Variants in EGFR observed in about 807,000 individuals in gnomAD.
The protein encoded by EGFR is epidermal growth factor receptor.
A neutral mutation model predicts 143.0 loss-of-function variants in EGFR; 58 were observed. That is an observed-to-expected ratio of 0.41 (90% CI 0.33 to 0.50). The LOEUF (loss-of-function observed/expected upper bound fraction) is 0.50, where lower values mean the gene tolerates loss of function less well. Among genes scored for constraint, EGFR ranks in the 20% least tolerant of loss-of-function variants. The pLI is 0.39. For synonymous variants in EGFR, 613 were observed against 594.4 expected (o/e 1.03, Z -0.45); for missense variants, 1,307 against 1,579.0 (o/e 0.83, Z 2.92).
chr7:55,068,044 G>A (rs886722513), intron 1 of EGFR, among the ~76,000 whole-genome samples: 1 of 149,772 alleles, frequency 6.7e-6, no homozygotes, highest in Non-Finnish European at 1.5e-5. Context: ...ATATGTGTAT[G>A]TGTGTACATG....
intron 1 of EGFR, among the ~76,000 whole-genome samples, chr7:55,089,966 ATTTATTTAT>A (rs1562704661): frequency 4.6e-5 from 7 of 150,722 alleles, no homozygotes; most frequent in Non-Finnish European, 1.0e-4. Flanking sequence ...TTATTTATTT[ATTTATTTAT>A]TTATTTATTT....
chr7:55,148,892 T>A (rs192574956), intron 4 of EGFR, among the ~76,000 whole-genome samples: 2 of 152,158 alleles, frequency 1.3e-5, no homozygotes, highest in African/African-American at 4.8e-5. Flanking sequence ...GATTTAAGTG[T>A]TTTATGGACA....
At chr7:55,022,643 TC>T (rs2128856659) in intron 1 of EGFR, among the ~76,000 whole-genome samples, 1 of 152,332 alleles carries the variant, frequency 6.6e-6, no homozygotes, top group South Asian at 2.1e-4. Flanking sequence ...TGCTCTTGCT[TC>T]CAGATTGCTT....
chr7:55,060,497 G>A (rs1789103223), intron 1 of EGFR, among the ~76,000 whole-genome samples: 1 of 152,134 alleles, frequency 6.6e-6, no homozygotes, highest in African/African-American at 2.4e-5. Context: ...AACATCTTAA[G>A]TTGATTTTTT....
chr7:55,054,178 G>C (rs140798540), intron 1 of EGFR, among the ~76,000 whole-genome samples: 2 of 152,130 alleles, frequency 1.3e-5, no homozygotes, highest in South Asian at 4.1e-4. Flanking sequence ...AGGTATAAAG[G>C]CTCCTGCTTA....
intron 22 of EGFR, among the ~76,000 whole-genome samples, chr7:55,194,422 T>G (rs1787533587): frequency 6.6e-6 from 1 of 151,998 alleles, no homozygotes; most frequent in Admixed American, 6.5e-5. Context: ...GAGACAGGGT[T>G]TCACTATGTT....
At chr7:55,150,829 T>C (rs1035342820) in intron 4 of EGFR, among the ~76,000 whole-genome samples, 2 of 152,222 alleles carry the variant, frequency 1.3e-5, no homozygotes, top group African/African-American at 4.8e-5. Flanking sequence ...GTTTGGAGTC[T>C]AGAAGGTTTT....
At chr7:55,023,045 G>A (rs546609833) in intron 1 of EGFR, among the ~76,000 whole-genome samples, 1 of 152,290 alleles carries the variant, frequency 6.6e-6, no homozygotes, top group Admixed American at 6.5e-5. Flanking sequence ...AATATTAAAG[G>A]CAATTGATGA....
At chr7:55,166,780 T>C (rs1220503781) in intron 15 of EGFR, among the ~76,000 whole-genome samples, 1 of 133,376 alleles carries the variant, frequency 7.5e-6, no homozygotes, top group Non-Finnish European at 1.5e-5. Context: ...AGAGTCACAA[T>C]GTTGGTGGTG....
chr7:55,073,070 T>G (rs149975374), intron 1 of EGFR, among the ~76,000 whole-genome samples: 1 of 152,254 alleles, frequency 6.6e-6, no homozygotes, highest in Non-Finnish European at 1.5e-5. Context: ...CTGACTACTT[T>G]GTCGTTTCTC....
chr7:55,168,370 G>A lies in EGFR; in HGVS notation c.1881-2805G>A, dbSNP rs921943136. ...AGTGAGCATATGTTGCTGGGCTTAG[G>A]GGAGGTCCAGAAAGTGATTGGGTTT... On this transcript the variant is annotated intron_variant, in intron 15 of 27. Coordinates refer to ENST00000275493, the MANE Select transcript of EGFR (RefSeq NM_005228.5). Among the ~76,000 whole-genome samples, 66 of 152,248 alleles carry A rather than the reference G, an allele frequency of 4.3e-4. 1 individual carries two copies. Among genetic ancestry groups the A allele is most frequent in the African/African-American group, 1.5e-3 (62 of 41,538 alleles).
At chr7:55,031,043 G>A (rs778838903) in intron 1 of EGFR, among the ~76,000 whole-genome samples, 53 of 152,274 alleles carry the variant, frequency 3.5e-4, no homozygotes, top group South Asian at 1.5e-3. Flanking sequence ...CTAACATAGT[G>A]GAAACTTTTC....
chr7:55,140,392 G>A (rs925960786), intron 1 of EGFR, among the ~76,000 whole-genome samples: 6 of 152,156 alleles, frequency 3.9e-5, no homozygotes, highest in Middle Eastern at 3.4e-3. Context: ...TAACACTTGC[G>A]GCTACCTGGA....
rs2128972476 is a variant in EGFR, at chr7:55,201,738, G to A, written c.3118G>A (p.Ala1040Thr). The change falls in exon 26 of 28, where the codon GCA (alanine) becomes ACA (threonine). Residue 1040 changes from alanine to threonine, a missense_variant. Ala to Thr is a moderately conservative substitution (Grantham distance 58). Transcript: ENST00000275493. ...AACTTCTCTGTTTCTTTTTCAGAGTGCAACCAGCAACAATTCCACCGTGGC... is the reference window on the plus strand; with the variant it reads ...AACTTCTCTGTTTCTTTTTCAGAGTACAACCAGCAACAATTCCACCGTGGC... ...SRTPLLSSLS[A>T]TSNNSTVACI... 1 of 1,614,178 alleles carries A rather than the reference G, an allele frequency of 6.2e-7. No homozygotes were observed. Among genetic ancestry groups the A allele is most frequent in the Non-Finnish European group, 8.5e-7 (1 of 1,180,030 alleles).
At chr7:55,168,616 T>C (rs758575919) in intron 15 of EGFR, 4 of 1,590,652 alleles carry the variant, frequency 2.5e-6, no homozygotes, top group Non-Finnish European at 2.6e-6. Context: ...TCAAATAAAG[T>C]CCTGACACTA....
chr7:55,117,649 A>G (rs941008631), intron 1 of EGFR, among the ~76,000 whole-genome samples: 9 of 152,226 alleles, frequency 5.9e-5, no homozygotes, highest in Non-Finnish European at 1.3e-4. Flanking sequence ...TACTGCTGCG[A>G]TCAAGTCCTA....
At chr7:55,168,682 C>A in intron 15 of EGFR, 2 of 1,207,740 alleles carry the variant, frequency 1.7e-6, no homozygotes, top group South Asian at 1.5e-5. Flanking sequence ...TGATTACATT[C>A]CTGATTCTGA....
intron 19 of EGFR, among the ~76,000 whole-genome samples, chr7:55,179,402 A>C (rs1786753779): frequency 6.6e-6 from 1 of 152,250 alleles, no homozygotes; most frequent in African/African-American, 2.4e-5. Context: ...AAAAACTGCA[A>C]GATACCAGGA....
chr7:55,131,727 C>G (rs1004485326), intron 1 of EGFR, among the ~76,000 whole-genome samples: 1 of 152,250 alleles, frequency 6.6e-6, no homozygotes, highest in African/African-American at 2.4e-5. Flanking sequence ...GTTTGACCCT[C>G]GGGGGAAAAG....
Sources: gnomAD v4.1 joint callset for allele counts (sites outside exome capture counted in the v4.1 genomes callset) on GRCh38, gnomAD v4.1.1 for gene constraint, MANE v1.5 for transcripts, NCBI Gene and HGNC (gene_info 2026-07-23, HGNC 2026-07-21) for gene names.